The following OCA2 variants were observed in gnomAD, a reference collection of about 807,000 sequenced individuals.
OCA2 encodes the protein OCA2 melanosomal transmembrane protein.
A neutral mutation model predicts 100.2 loss-of-function variants in OCA2; 77 were observed. The observed-to-expected ratio is 0.77, with a 90% confidence interval of 0.64 to 0.93. The LOEUF (loss-of-function observed/expected upper bound fraction) is 0.93. Among genes scored for constraint, OCA2 ranks in the 40% least tolerant of loss-of-function variants. The pLI is 0.00. For synonymous variants in OCA2, 432 were observed against 439.2 expected (o/e 0.98, Z 0.21); for missense variants, 1,062 against 1,089.1 (o/e 0.98, Z 0.35).
At chr15:27,966,113 G>A (rs898783397) in intron 15 of OCA2, among the ~76,000 whole-genome samples, 1 of 152,206 alleles carries the variant, frequency 6.6e-6, no homozygotes, top group African/African-American at 2.4e-5. Flanking sequence ...TGGGATTACA[G>A]GCCTGTGCCA....
intron 23 of OCA2, among the ~76,000 whole-genome samples, chr15:27,758,199 C>A (rs2030538509): frequency 6.6e-6 from 1 of 152,056 alleles, no homozygotes; most frequent in African/African-American, 2.4e-5. Context: ...GGACTAGGTG[C>A]TGGGAAGCTG....
intron 23 of OCA2, among the ~76,000 whole-genome samples, chr15:27,815,940 T>G (rs1220697470): frequency 6.6e-6 from 1 of 152,180 alleles, no homozygotes; most frequent in African/African-American, 2.4e-5. Flanking sequence ...GAGACCAGCC[T>G]GACCAACATG....
At chr15:27,818,204 A>T (rs1421839486) in intron 23 of OCA2, among the ~76,000 whole-genome samples, 1 of 152,172 alleles carries the variant, frequency 6.6e-6, no homozygotes, top group African/African-American at 2.4e-5. Context: ...AGCCCGGCTA[A>T]CATGGTGAAA....
At chr15:27,997,753 A>C (rs570858943) in intron 9 of OCA2, among the ~76,000 whole-genome samples, 1 of 121,910 alleles carries the variant, frequency 8.2e-6, no homozygotes, top group African/African-American at 2.5e-5. Context: ...CATTGAATCT[A>C]TAAATTACCT....
chr15:27,723,128 C>T, the OCA2 span, among the ~76,000 whole-genome samples: 1 of 152,208 alleles, frequency 6.6e-6, no homozygotes, highest in South Asian at 2.1e-4. Flanking sequence ...CAAGCATAAG[C>T]CACCGCGCCT....
chr15:27,961,045 T>C (rs2040395177), intron 15 of OCA2, among the ~76,000 whole-genome samples: 1 of 152,022 alleles, frequency 6.6e-6, no homozygotes, highest in Admixed American at 6.5e-5. Flanking sequence ...ATTTTTGTAA[T>C]CTATCCATCT....
chr15:27,888,043 G>A (rs552892038), intron 19 of OCA2, among the ~76,000 whole-genome samples: 2 of 152,176 alleles, frequency 1.3e-5, no homozygotes, highest in African/African-American at 4.8e-5. Flanking sequence ...GAAATGTTCT[G>A]AGGCCCCCAC....
At chr15:27,973,220 C>A (rs1287318848) in intron 14 of OCA2, among the ~76,000 whole-genome samples, 1 of 152,112 alleles carries the variant, frequency 6.6e-6, no homozygotes, top group Non-Finnish European at 1.5e-5. Context: ...GTTTCTGCAG[C>A]ATTTGTTTTT....
intron 23 of OCA2, among the ~76,000 whole-genome samples, chr15:27,819,941 G>A (rs1022205832): frequency 6.6e-6 from 1 of 152,134 alleles, no homozygotes; most frequent in Non-Finnish European, 1.5e-5. Context: ...GGAACATATC[G>A]CAGTGCTCTA....
intron 2 of OCA2, among the ~76,000 whole-genome samples, chr15:28,074,217 T>A (rs911590002): frequency 1.3e-5 from 2 of 152,232 alleles, no homozygotes; most frequent in East Asian, 3.9e-4. Flanking sequence ...CATGACATGA[T>A]AATCACATAG....
chr15:28,065,261 T>C (rs1406070116), intron 2 of OCA2, among the ~76,000 whole-genome samples: 1 of 152,144 alleles, frequency 6.6e-6, no homozygotes, highest in South Asian at 2.1e-4. Context: ...CCTAATTATG[T>C]ATGTGGCTTT....
At chr15:27,885,716 G>A (rs8029319) in intron 19 of OCA2, among the ~76,000 whole-genome samples, 2,365 of 151,640 alleles carry the variant, frequency 0.016, 56 homozygotes, top group African/African-American at 0.05. Context: ...TCATGAGCCA[G>A]CATCCCATAT....
chr15:28,024,971 C>A, intron 4 of OCA2, 69 bp from the exon 5 acceptor site: 1 of 1,454,002 alleles, frequency 6.9e-7, no homozygotes, highest in Non-Finnish European at 9.6e-7. Flanking sequence ...AGACACTTTT[C>A]TGCAGCCTTG....
intron 6 of OCA2, among the ~76,000 whole-genome samples, chr15:28,022,059 T>A (rs1429681837): frequency 6.6e-6 from 1 of 152,174 alleles, no homozygotes; most frequent in East Asian, 1.9e-4. Context: ...CTACAGGATG[T>A]GTATGACTTC....
intron 23 of OCA2, among the ~76,000 whole-genome samples, chr15:27,769,220 C>T (rs1380211175): frequency 6.6e-6 from 1 of 152,228 alleles, no homozygotes. Flanking sequence ...GCTCTCTCAC[C>T]ATGCCATGTT....
In OCA2 at chr15:27,755,237, T is replaced by G. The variant is rs1169017449; in HGVS notation, c.*151A>C. ...TCCAACATTCGCTTGAATTAGAGTG[T>G]TAGTGTCAAGGTCTATTCCACTGTG... On this transcript the variant is annotated 3_prime_UTR_variant, in exon 24 of 24. Transcript: ENST00000354638. 3.0e-6 allele frequency: 2 copies of G among 676,618 alleles called. No homozygotes were observed. Among genetic ancestry groups the G allele is most frequent in the East Asian group, 5.6e-5 (2 of 35,578 alleles). 41.9% of individuals were successfully genotyped at this position (676,618 alleles called of 1,614,324 possible). A position where few individuals can be genotyped will look rare whatever the true frequency, so the allele number is the denominator to read the frequency against.
chr15:27,953,972 A>G (rs12915041), intron 17 of OCA2, among the ~76,000 whole-genome samples: 91,336 of 151,734 alleles, frequency 0.6, 30,594 homozygotes, highest in Non-Finnish European at 0.77. Flanking sequence ...TTGTGTCCTC[A>G]TAGGTTGGCT....
intron 19 of OCA2, among the ~76,000 whole-genome samples, chr15:27,919,176 C>T (rs1404762959): frequency 6.6e-6 from 1 of 152,168 alleles, no homozygotes; most frequent in Admixed American, 6.5e-5. Context: ...TAGTCCTGAT[C>T]GATCCCATAA....
intron 19 of OCA2, among the ~76,000 whole-genome samples, chr15:27,892,410 A>G (rs2037499988): frequency 6.6e-6 from 1 of 152,180 alleles, no homozygotes; most frequent in Non-Finnish European, 1.5e-5. Flanking sequence ...GAAAGACAAT[A>G]GAAAAATCTC....
Sources: gnomAD v4.1 joint callset for allele counts (sites outside exome capture counted in the v4.1 genomes callset) on GRCh38, gnomAD v4.1.1 for gene constraint, MANE v1.5 for transcripts, NCBI Gene and HGNC (gene_info 2026-07-23, HGNC 2026-07-21) for gene names.